IMPG1: variants seen among roughly 807,000 people sequenced by gnomAD.
IMPG1 encodes the protein interphotoreceptor matrix proteoglycan 1, also known as interphotoreceptor matrix proteoglycan of 150 kDa.
Under a neutral mutation model 92.0 loss-of-function variants are expected in IMPG1, and 85 were observed. The ratio of observed to expected loss-of-function variants is 0.92; its 90% CI spans 0.78 to 1.11. The LOEUF (loss-of-function observed/expected upper bound fraction) is 1.11. IMPG1 is among the 50% of genes least tolerant of loss of function. IMPG1 has a pLI of 0.00. For synonymous variants in IMPG1, 367 were observed against 334.1 expected (o/e 1.10, Z -1.08); for missense variants, 1,022 against 956.0 (o/e 1.07, Z -0.91).
intron 14 of IMPG1, among the ~76,000 whole-genome samples, chr6:75,946,174 G>T (rs1448131297): frequency 6.6e-6 from 1 of 152,200 alleles, no homozygotes; most frequent in Non-Finnish European, 1.5e-5. Flanking sequence ...GAGCCACAGG[G>T]CTTACTCAGC....
At chr6:76,070,865 T>A (rs1490874922) in intron 1 of IMPG1, among the ~76,000 whole-genome samples, 1 of 151,924 alleles carries the variant, frequency 6.6e-6, no homozygotes, top group East Asian at 1.9e-4. Flanking sequence ...ACCCAATGAG[T>A]ACAATGTACC....
intron 13 of IMPG1, among the ~76,000 whole-genome samples, chr6:75,949,837 CTT>C (rs1230397859): frequency 5.3e-5 from 8 of 152,108 alleles, no homozygotes; most frequent in Admixed American, 5.2e-4. Context: ...AATAATTTAA[CTT>C]ATATGAAGTA....
intron 8 of IMPG1, among the ~76,000 whole-genome samples, chr6:76,009,440 G>A (rs1783148776): frequency 6.6e-6 from 1 of 152,130 alleles, no homozygotes; most frequent in African/African-American, 2.4e-5. Context: ...AGGGTTTTTG[G>A]TCTTCTTCAG....
intron 7 of IMPG1, among the ~76,000 whole-genome samples, chr6:76,017,833 A>G (rs1783317501): frequency 6.6e-6 from 1 of 152,056 alleles, no homozygotes; most frequent in African/African-American, 2.4e-5. Flanking sequence ...GCTCACTGCC[A>G]CCTCTGCCCC....
intron 12 of IMPG1, among the ~76,000 whole-genome samples, chr6:75,995,993 T>C (rs1782894252): frequency 6.6e-6 from 1 of 152,222 alleles, no homozygotes; most frequent in African/African-American, 2.4e-5. Context: ...GTTGAATGAA[T>C]AAATGAATGA....
chr6:75,985,698 G>C (rs1306989112), intron 12 of IMPG1, among the ~76,000 whole-genome samples: 1 of 152,126 alleles, frequency 6.6e-6, no homozygotes, highest in Non-Finnish European at 1.5e-5. Context: ...CTCCAGGCTG[G>C]ACAAAGCTTG....
At chr6:75,998,160 T>G (rs1195159609) in intron 12 of IMPG1, among the ~76,000 whole-genome samples, 1 of 152,246 alleles carries the variant, frequency 6.6e-6, no homozygotes, top group Non-Finnish European at 1.5e-5. Flanking sequence ...AACATTGATT[T>G]GGCTCTAAGC....
intron 7 of IMPG1, among the ~76,000 whole-genome samples, chr6:76,015,534 C>T (rs570565893): frequency 3.9e-5 from 6 of 151,988 alleles, no homozygotes; most frequent in Admixed American, 3.3e-4. Flanking sequence ...GGTGCGGTAG[C>T]TCACGCCTGT....
At position 75,931,025 on chromosome 6, in the gene IMPG1, CCGTCCA is replaced by C. The variant is rs1781659285; in HGVS notation, c.2165_2170del (p.Leu722_Gly724delinsArg). ...AGGGCCACAGAGGCCTGGTTCCAGA[CCGTCCA>C]GGCTCCCCTGGCTGTCATATCCTGG... On this transcript the variant is annotated inframe_deletion, in exon 15 of 17. Coordinates refer to ENST00000369950, the MANE Select transcript of IMPG1 (RefSeq NM_001563.4). 5 of 1,614,090 alleles carry C rather than the reference CCGTCCA, an allele frequency of 3.1e-6. 1 individual carries two copies. Among genetic ancestry groups the C allele is most frequent in the African/African-American group, 2.7e-5 (2 of 74,930 alleles).
intron 1 of IMPG1, among the ~76,000 whole-genome samples, chr6:76,056,794 C>T (rs1012229008): frequency 6.6e-6 from 1 of 152,232 alleles, no homozygotes; most frequent in African/African-American, 2.4e-5. Flanking sequence ...CTTTTCATAG[C>T]TGTTGGCCAT....
At chr6:75,935,480 G>T (rs1781729912) in intron 14 of IMPG1, among the ~76,000 whole-genome samples, 1 of 152,204 alleles carries the variant, frequency 6.6e-6, no homozygotes, top group African/African-American at 2.4e-5. Context: ...GGCGCTGGGG[G>T]GTCGACCCCG....
chr6:76,024,749 A>T (rs1783493176), intron 5 of IMPG1: 1 of 217,088 alleles, frequency 4.6e-6, no homozygotes, highest in Non-Finnish European at 9.4e-6. Context: ...ACAATGATGC[A>T]ATGGTTAAGT....
chr6:75,972,266 C>A (rs1402863468), intron 12 of IMPG1, among the ~76,000 whole-genome samples: 1 of 152,184 alleles, frequency 6.6e-6, no homozygotes, highest in Non-Finnish European at 1.5e-5. Flanking sequence ...CCGTTCCCTC[C>A]CAACCAACAT....
At chr6:76,025,328 T>A in intron 4 of IMPG1, 70 bp from the exon 5 acceptor site, 1 of 816,146 alleles carries the variant, frequency 1.2e-6, no homozygotes, top group Non-Finnish European at 2.0e-6. Context: ...AACATACATT[T>A]AAATTTCTTA....
At chr6:75,928,498 T>G (rs1459482980) in intron 15 of IMPG1, 1 of 152,354 alleles carries the variant, frequency 6.6e-6, no homozygotes, top group Admixed American at 6.5e-5. Context: ...ACCCTTCTTT[T>G]AAATTACACA....
chr6:76,044,560 T>A (rs557644118), intron 1 of IMPG1, among the ~76,000 whole-genome samples: 1 of 152,316 alleles, frequency 6.6e-6, no homozygotes, highest in South Asian at 2.1e-4. Flanking sequence ...TTATGCCCTG[T>A]AGAACTCTAT....
chr6:75,979,914 T>C (rs1408645928), intron 12 of IMPG1, among the ~76,000 whole-genome samples: 1 of 151,952 alleles, frequency 6.6e-6, no homozygotes, highest in Non-Finnish European at 1.5e-5. Flanking sequence ...ATAAGGCAAA[T>C]GGAGAAATTG....
At chr6:76,038,698 TC>T (rs1293506731) in intron 2 of IMPG1, among the ~76,000 whole-genome samples, 2 of 152,198 alleles carry the variant, frequency 1.3e-5, no homozygotes, top group Non-Finnish European at 2.9e-5. Context: ...CCACAGTGAT[TC>T]TAGAGAAATC....
rs1221960204 is a variant in IMPG1 at position 75,947,480 on chromosome 6, A to C, written c.1878T>G (p.Leu626=). 1 of 1,613,832 alleles carries C rather than the reference A, an allele frequency of 6.2e-7. No individual in the cohort carries two copies. The highest frequency in any genetic ancestry group is 1.1e-5 in the South Asian group (1 of 91,084). Residue 626 remains leucine (L), a synonymous_variant, in exon 14 of 17, where the codon CTT becomes CTG. Coordinates refer to ENST00000369950, the MANE Select transcript of IMPG1 (RefSeq NM_001563.4). The part of the protein sequence containing the change: ...NLTGFKQLEI[L]NFRNGSVIVN... ...CAATCACACTCCCGTTTCTGAAGTT[A>C]AGTATTTCAAGTTGCTTAAATCCTG...
Sources: gnomAD v4.1 joint callset for allele counts (sites outside exome capture counted in the v4.1 genomes callset) on GRCh38, gnomAD v4.1.1 for gene constraint, MANE v1.5 for transcripts, NCBI Gene and HGNC (gene_info 2026-07-23, HGNC 2026-07-21) for gene names.